The following FREM1 variants were observed in gnomAD, a reference collection of about 807,000 sequenced individuals.
FREM1 encodes the protein FRAS1 related extracellular matrix 1.
FREM1 carries 220 observed loss-of-function variants against 210.1 expected under a neutral mutation model. That is an observed-to-expected ratio of 1.05 (90% CI 0.94 to 1.17). The LOEUF (loss-of-function observed/expected upper bound fraction) is 1.17. FREM1 is among the 50% of genes most tolerant of loss of function. FREM1 has a pLI of 0.00. For missense variants in FREM1, 3,454 were observed against 2,675.5 expected (o/e 1.29, Z -6.42); for synonymous variants, 1,189 against 980.2 (o/e 1.21, Z -3.98).
intron 3 of FREM1, among the ~76,000 whole-genome samples, chr9:14,861,867 C>T (rs1007174575): frequency 2.0e-5 from 3 of 152,218 alleles, no homozygotes; most frequent in African/African-American, 7.2e-5. Context: ...TAAAATGTGC[C>T]ATTGAATTGT....
chr9:14,739,309 G>A (rs1841006747), intron 36 of FREM1, among the ~76,000 whole-genome samples: 1 of 151,262 alleles, frequency 6.6e-6, no homozygotes, highest in African/African-American at 2.4e-5. Context: ...TCACTATGTT[G>A]CCTAGGCTCA....
chr9:14,752,341 G>A (rs1370084019), intron 29 of FREM1, among the ~76,000 whole-genome samples: 1 of 152,152 alleles, frequency 6.6e-6, no homozygotes, highest in Non-Finnish European at 1.5e-5. Context: ...CAGGAAGATA[G>A]CAAAGCAGAG....
rs922464253 is a variant in FREM1 at position 14,775,932 on chromosome 9, C to T, written c.4714G>A (p.Val1572Met). The T allele has an allele frequency of 1.2e-6, 2 of 1,613,980 alleles. No homozygotes were observed. The highest frequency in any genetic ancestry group is 1.7e-6 in the Non-Finnish European group (2 of 1,179,884). ...LLQHNFTQQD[V>M]DSKNVAYRHS... ...CGATAGGCCACATTCTTGCTGTCCA[C>T]ATCCTGCTGGGTGAAATTGTGTTGA... The change falls in exon 25 of 37, where the codon GTG becomes ATG. Residue 1572 changes from valine to methionine, a missense_variant. Val to Met is a conservative substitution (Grantham distance 21). Transcript: ENST00000380880.
intron 16 of FREM1, among the ~76,000 whole-genome samples, chr9:14,809,362 GT>G (rs1395168106): frequency 6.6e-6 from 1 of 152,202 alleles, no homozygotes; most frequent in African/African-American, 2.4e-5. Context: ...AATGCTTGGA[GT>G]TTTGATGAAC....
rs1850048726 is a variant in FREM1 at position 14,784,182 on chromosome 9, T to C, written c.4442+188A>G. 4 of 518,458 alleles carry C rather than the reference T, an allele frequency of 7.7e-6. No homozygotes were observed. In the Admixed American group the frequency reaches 1.0e-4, roughly 14 times the overall value. 32.1% of individuals were successfully genotyped at this position (518,458 alleles called of 1,614,324 possible). ...TGCACCAGAGCTGAAAAATGACTCA[T>C]TTTTTTCTCCTTTTCTTTCCTTTTT... On this transcript the variant is annotated intron_variant, in intron 24 of 36. Coordinates refer to ENST00000380880, the MANE Select transcript of FREM1 (RefSeq NM_001379081.2).
chr9:14,781,867 C>G (rs113833667), intron 24 of FREM1, among the ~76,000 whole-genome samples: 4,510 of 152,268 alleles, frequency 0.03, 208 homozygotes, highest in African/African-American at 0.1. Flanking sequence ...CCACTCCCAA[C>G]TAATTTTTTG....
At chr9:14,757,834 G>A (rs1029659104) in intron 28 of FREM1, among the ~76,000 whole-genome samples, 4 of 152,062 alleles carry the variant, frequency 2.6e-5, no homozygotes, top group South Asian at 2.1e-4. Flanking sequence ...CTGGAAAAGG[G>A]GATTACCTTC....
In FREM1 at chr9:14,906,820, C is replaced by A. The variant is rs569513279; in HGVS notation, c.-268+3094G>T. ...GTTTGATAGAAAGCAGGGAAGAGTT[C>A]CAGGAAAGCAGAACACCCAGTAAAG... On this transcript the variant is annotated intron_variant, in intron 1 of 36. Coordinates refer to ENST00000380880, the MANE Select transcript of FREM1 (RefSeq NM_001379081.2). 7.2e-5 allele frequency among the ~76,000 whole-genome samples: 11 copies of A among 152,244 alleles called. No individual in the cohort carries two copies. The South Asian group carries it at 1.9e-3, about 26-fold the overall frequency.
At chr9:14,757,893 C>A (rs529903773) in intron 28 of FREM1, among the ~76,000 whole-genome samples, 7 of 152,196 alleles carry the variant, frequency 4.6e-5, no homozygotes, top group Non-Finnish European at 1.0e-4. Flanking sequence ...TCCTCTGGAA[C>A]CACCTTTCAT....
chr9:14,842,780 C>G (rs1588307306), intron 8 of FREM1, 120 bp from the exon 9 acceptor site: 1 of 670,940 alleles, frequency 1.5e-6, no homozygotes, highest in East Asian at 2.6e-5. Context: ...ATTTCCCTCA[C>G]CTGGAAAAAC....
intron 1 of FREM1, among the ~76,000 whole-genome samples, chr9:14,907,071 A>G (rs1288787370): frequency 1.3e-5 from 2 of 152,162 alleles, no homozygotes; most frequent in Admixed American, 6.5e-5. Context: ...ACCAAAAACT[A>G]TTTTTGGCTT....
At chr9:14,778,187 A>G (rs1307485197) in intron 24 of FREM1, among the ~76,000 whole-genome samples, 1 of 152,204 alleles carries the variant, frequency 6.6e-6, no homozygotes, top group Non-Finnish European at 1.5e-5. Flanking sequence ...GCAAAATCAC[A>G]TAATTTTCTC....
chr9:14,837,999 G>GA (rs35490632), intron 10 of FREM1, among the ~76,000 whole-genome samples: 1 of 152,072 alleles, frequency 6.6e-6, no homozygotes, highest in African/African-American at 2.4e-5. Flanking sequence ...AATGTTCAGA[G>GA]AAAAAAACCT....
Position 14,870,275 on chromosome 9 carries a change from C to A in FREM1, c.-267-1031G>T, listed in dbSNP as rs79644817. ...TCCATTCCCTTGTCACTGTTTGCAA[C>A]CTTTCACTTTTGAGGCAGTGCCTGA... On this transcript the variant is annotated intron_variant, in intron 1 of 36. Coordinates refer to ENST00000380880, the MANE Select transcript of FREM1 (RefSeq NM_001379081.2). Among the ~76,000 whole-genome samples, 731 of 152,276 alleles carry A rather than the reference C, an allele frequency of 4.8e-3. 5 individuals are homozygous for A. Among genetic ancestry groups the A allele is most frequent in the African/African-American group, 0.017 (710 of 41,560 alleles).
At chr9:14,773,829 G>A (rs1489142553) in intron 25 of FREM1, among the ~76,000 whole-genome samples, 2 of 152,066 alleles carry the variant, frequency 1.3e-5, no homozygotes, top group Non-Finnish European at 2.9e-5. Context: ...GTGCTATGGA[G>A]TGTAGGAAGG....
Position 14,851,349 on chromosome 9 carries a change from G to A in FREM1, c.1087C>T (p.Leu363Phe). ...RPISSFTWKD[L>F]SDMQIAYQPP... Reference sequence around the variant, plus strand: ...TGATAGGCGATCTGCATGTCACTGAGATCTTTCCAGGTGAATGAGGAGATT... The same window carrying A: ...TGATAGGCGATCTGCATGTCACTGAAATCTTTCCAGGTGAATGAGGAGATT... Residue 363 changes from leucine to phenylalanine, a missense_variant, in exon 6 of 37, where the codon CTC (leucine) becomes TTC (phenylalanine). Coordinates refer to ENST00000380880, the MANE Select transcript of FREM1 (RefSeq NM_001379081.2). 1 of 1,612,848 alleles carries A rather than the reference G, an allele frequency of 6.2e-7. No individual in the cohort carries two copies. The highest frequency in any genetic ancestry group is 8.5e-7 in the Non-Finnish European group (1 of 1,179,050).
intron 27 of FREM1, among the ~76,000 whole-genome samples, chr9:14,762,873 T>C (rs555558884): frequency 4.4e-4 from 67 of 151,156 alleles, no homozygotes; most frequent in African/African-American, 1.6e-3. Context: ...ATGTAGTCAA[T>C]CACTTGGGAA....
chr9:14,738,024 T>C (rs1457977625), intron 36 of FREM1, among the ~76,000 whole-genome samples: 1 of 152,238 alleles, frequency 6.6e-6, no homozygotes, highest in African/African-American at 2.4e-5. Context: ...CTCTTGCATA[T>C]TATTTTTCTT....
intron 24 of FREM1, among the ~76,000 whole-genome samples, chr9:14,778,426 C>A (rs1848997048): frequency 6.6e-6 from 1 of 150,900 alleles, no homozygotes; most frequent in Non-Finnish European, 1.5e-5. Context: ...GCCTGGGTAA[C>A]ATGGCAAAAC....
Sources: allele counts gnomAD v4.1 joint callset (sites outside exome capture counted in the v4.1 genomes callset), GRCh38; gene constraint gnomAD v4.1.1; transcripts MANE v1.5; gene names NCBI Gene and HGNC (gene_info 2026-07-23, HGNC 2026-07-21).